INTS2: variants seen among roughly 807,000 people sequenced by gnomAD.
INTS2 encodes KIAA1287.
A neutral mutation model predicts 139.6 loss-of-function variants in INTS2; 57 were observed. The observed-to-expected ratio is 0.41, with a 90% CI of 0.33 to 0.51. The LOEUF is 0.51. INTS2 is among the 20% of genes least tolerant of loss of function. INTS2 has a pLI of 0.28. For synonymous variants in INTS2, 473 were observed against 493.4 expected (o/e 0.96, Z 0.55); for missense variants, 1,196 against 1,436.7 (o/e 0.83, Z 2.71).
intron 17 of INTS2, among the ~76,000 whole-genome samples, chr17:61,878,904 T>C (rs1382967389): frequency 1.7e-5 from 2 of 121,032 alleles, no homozygotes; most frequent in African/African-American, 7.0e-5. Flanking sequence ...CACTCCAACC[T>C]TGAGACTGGG....
rs560142069 is a variant in INTS2 at position 61,865,553 on chromosome 17, G to C, written c.*2004C>G. ...CATCATCAACAAATCTGATGAAAAA[G>C]AGCATATGTGATTATTTTAACACAG... On this transcript the variant is annotated 3_prime_UTR_variant, in exon 25 of 25. Coordinates refer to ENST00000251334, the MANE Select transcript of INTS2 (RefSeq NM_001351695.2). The surrounding 1 kb of genome is among the most constrained non-coding windows in gnomAD (Gnocchi z 4.8). 1.3e-5 allele frequency: 2 copies of C among 152,598 alleles called. No homozygotes were observed. Among genetic ancestry groups the C allele is most frequent in the East Asian group, 1.9e-4 (1 of 5,190 alleles). 9.5% of individuals were successfully genotyped at this position (152,598 alleles called of 1,614,324 possible).
chr17:61,927,870 A>C lies in INTS2; in HGVS notation c.-235T>G. On this transcript the variant is annotated 5_prime_UTR_variant, in exon 1 of 25. Transcript: ENST00000251334. ...AAAGTGGGAAGGATGGGGGCACCAC[A>C]CAAAGGCAGAACCGGGACTGTAGGA... 6.2e-7 allele frequency: 1 copy of C among 1,613,936 alleles called. No homozygotes were observed. Among genetic ancestry groups the C allele is most frequent in the Non-Finnish European group, 8.5e-7 (1 of 1,179,870 alleles).
chr17:61,897,253 A>G lies in INTS2; in HGVS notation c.1494+216T>C, dbSNP rs943686899. ...TATCTCTGAATCATGGAATTATAAG[A>G]TATCTTTCCCTTTTCTGTGCTTTCC... On this transcript the variant is annotated intron_variant, in intron 11 of 24. Coordinates refer to ENST00000251334, the MANE Select transcript of INTS2 (RefSeq NM_001351695.2). The surrounding 1 kb of genome is among the most constrained non-coding windows in gnomAD (Gnocchi z 4.4). 1.3e-5 allele frequency among the ~76,000 whole-genome samples: 2 copies of G among 152,126 alleles called. No individual in the cohort carries two copies. Among genetic ancestry groups the G allele is most frequent in the Non-Finnish European group, 2.9e-5 (2 of 68,016 alleles).
intron 18 of INTS2, 92 bp downstream of exon 18, chr17:61,877,795 G>A: frequency 1.0e-6 from 1 of 953,640 alleles, no homozygotes; most frequent in South Asian, 1.5e-5. Flanking sequence ...GCTATGAGTG[G>A]TGAAAAATTT....
intron 14 of INTS2, 35 bp from the exon 15 acceptor site, chr17:61,889,929 T>G: frequency 7.8e-7 from 1 of 1,289,250 alleles, no homozygotes; most frequent in Non-Finnish European, 1.1e-6. Context: ...TGAAATACTC[T>G]GAATTTCACG....
chr17:61,903,963 CAAAAT>C (rs1482133776), intron 9 of INTS2, among the ~76,000 whole-genome samples: 4 of 151,770 alleles, frequency 2.6e-5, no homozygotes, highest in Admixed American at 6.6e-5. Flanking sequence ...CAGTAAAACA[CAAAAT>C]AAACAGCTAA....
chr17:61,917,575 A>G (rs1393624442), intron 5 of INTS2, among the ~76,000 whole-genome samples: 1 of 152,218 alleles, frequency 6.6e-6, no homozygotes, highest in Non-Finnish European at 1.5e-5. Context: ...GGAGTTAAAC[A>G]TTGGGTACAC....
chr17:61,874,839 C>T, intron 19 of INTS2, 74 bp downstream of exon 19: 2 of 1,223,744 alleles, frequency 1.6e-6, no homozygotes, highest in Non-Finnish European at 1.1e-6. Flanking sequence ...TAAGTTTAAA[C>T]TGAATTTCAT....
Position 61,870,065 on chromosome 17 carries a change from G to A in INTS2, c.2779-77C>T. On this transcript the variant is annotated intron_variant, in intron 20 of 24. Coordinates refer to ENST00000251334, the MANE Select transcript of INTS2 (RefSeq NM_001351695.2). This position sits in a 1 kb window ranked among gnomAD's most constrained non-coding sequence, Gnocchi z 4.4. ...AACAAATCAGATTTTATTTTCACAT[G>A]AACAGATATGATAAAATAACTAATT... 7.7e-7 allele frequency: 1 copy of A among 1,304,280 alleles called. No individual in the cohort carries two copies. The highest frequency in any genetic ancestry group is 1.5e-5 in the African/African-American group (1 of 67,514). 80.8% of individuals were successfully genotyped at this position (1,304,280 alleles called of 1,614,324 possible).
chr17:61,924,176 T>A (rs2079683294), intron 3 of INTS2, among the ~76,000 whole-genome samples: 1 of 152,186 alleles, frequency 6.6e-6, no homozygotes, highest in South Asian at 2.1e-4. Flanking sequence ...CCCTCTGCTG[T>A]CATATATGAG....
chr17:61,869,137 T>C lies in INTS2; in HGVS notation c.3141A>G (p.Ile1047Met). Residue 1047 changes from isoleucine (I) to methionine (M), a missense_variant and splice_region_variant, in exon 23 of 25, where the codon ATA becomes ATG. By Grantham distance (10) the Ile-to-Met change is conservative. Around this residue, in one of 3 missense-constraint regions of INTS2, gnomAD observed 1,129 missense variants for 1,341.9 expected, o/e 0.84. Coordinates refer to ENST00000251334, the MANE Select transcript of INTS2 (RefSeq NM_001351695.2). The surrounding 1 kb of genome is among the most constrained non-coding windows in gnomAD (Gnocchi z 5.4). ...AGTGAGAAAGCAACTGGATAGCAAATATCTGCAATACAAAATCCAGTTATT... is the reference window on the plus strand; with the variant it reads ...AGTGAGAAAGCAACTGGATAGCAAACATCTGCAATACAAAATCCAGTTATT... ...LIAQPELEKQ[I>M]FAIQLLSHLC... 1 of 1,587,464 alleles carries C rather than the reference T, an allele frequency of 6.3e-7. No individual in the cohort carries two copies. Among genetic ancestry groups the C allele is most frequent in the Admixed American group, 1.7e-5 (1 of 59,520 alleles).
rs372381601 is a variant in INTS2 at position 61,876,083 on chromosome 17, C to T, written c.2457-1045G>A. 2.6e-5 allele frequency among the ~76,000 whole-genome samples: 4 copies of T among 152,198 alleles called. No individual in the cohort carries two copies. Among genetic ancestry groups the T allele is most frequent in the East Asian group, 3.9e-4 (2 of 5,174 alleles). Reference sequence around the variant, plus strand: ...ATTTGGGAGGCTGAGGCAGAAGGATCGTTTGAGCCCATGAGTTGAGGTTAC... The same window carrying T: ...ATTTGGGAGGCTGAGGCAGAAGGATTGTTTGAGCCCATGAGTTGAGGTTAC... On this transcript the variant is annotated intron_variant, in intron 18 of 24. Transcript: ENST00000251334. This position sits in a 1 kb window ranked among gnomAD's most constrained non-coding sequence, Gnocchi z 4.1.
chr17:61,923,748 C>G (rs913065362), intron 3 of INTS2, among the ~76,000 whole-genome samples: 1 of 151,922 alleles, frequency 6.6e-6, no homozygotes, highest in Non-Finnish European at 1.5e-5. Flanking sequence ...GGCACAATCT[C>G]GGCTCACCAC....
intron 1 of INTS2, 95 bp downstream of exon 1, chr17:61,927,559 T>TA: frequency 1.1e-6 from 1 of 922,412 alleles, no homozygotes; most frequent in Non-Finnish European, 1.4e-6. Context: ...CGGGCGCAAC[T>TA]AGAACCAATA....
At chr17:61,911,025 CAGTT>C (rs1411640587) in intron 7 of INTS2, 4 of 154,588 alleles carry the variant, frequency 2.6e-5, no homozygotes, top group Non-Finnish European at 4.3e-5. Context: ...TGGGAAAACA[CAGTT>C]AGTTTTCATT....
intron 5 of INTS2, among the ~76,000 whole-genome samples, chr17:61,916,002 T>C (rs1186006337): frequency 1.3e-5 from 2 of 152,056 alleles, no homozygotes; most frequent in African/African-American, 4.8e-5. Context: ...TTTAGGATAC[T>C]AAAGTTCACA....
intron 5 of INTS2, among the ~76,000 whole-genome samples, chr17:61,917,466 G>A (rs74926681): frequency 6.6e-6 from 1 of 152,298 alleles, no homozygotes; most frequent in Non-Finnish European, 1.5e-5. Flanking sequence ...ATGAAATCAT[G>A]TCCTTTGCCG....
intron 16 of INTS2, among the ~76,000 whole-genome samples, chr17:61,884,220 G>A (rs1419875438): frequency 6.6e-6 from 1 of 152,140 alleles, no homozygotes; most frequent in Non-Finnish European, 1.5e-5. Flanking sequence ...GCCGGGCATG[G>A]TGGCTCACTC....
chr17:61,886,753 T>C (rs1240640593), intron 15 of INTS2, among the ~76,000 whole-genome samples: 2 of 152,208 alleles, frequency 1.3e-5, no homozygotes, highest in East Asian at 3.8e-4. Context: ...ATCAGGGTGT[T>C]TGTAATTTCA....
Sources: gnomAD v4.1 joint callset for allele counts (sites outside exome capture counted in the v4.1 genomes callset) on GRCh38, gnomAD v4.1.1 for gene constraint, gnomAD v4.1.1 regional missense constraint, Gnocchi (gnomAD v3.1) non-coding constraint, MANE v1.5 for transcripts, NCBI Gene and HGNC (gene_info 2026-07-23, HGNC 2026-07-21) for gene names.